CACNA2D3: variants seen among roughly 807,000 people sequenced by gnomAD.
CACNA2D3 encodes the protein calcium voltage-gated channel auxiliary subunit alpha2delta 3.
In CACNA2D3, 60 loss-of-function variants were observed where a neutral mutation model predicts 160.6. That is an observed-to-expected ratio of 0.37 (90% CI 0.30 to 0.46). CACNA2D3 has a LOEUF of 0.46. CACNA2D3 is among the 20% of genes least tolerant of loss of function. The pLI, the probability that CACNA2D3 is intolerant of heterozygous loss-of-function variation, is 1.00. For synonymous variants in CACNA2D3, 558 were observed against 492.9 expected (o/e 1.13, Z -1.75); for missense variants, 1,205 against 1,365.0 (o/e 0.88, Z 1.85).
intron 11 of CACNA2D3, among the ~76,000 whole-genome samples, chr3:54,673,741 CA>C (rs2106902172): frequency 6.6e-6 from 1 of 152,312 alleles, no homozygotes; most frequent in South Asian, 2.1e-4. Flanking sequence ...ATCTCAGCTT[CA>C]AGTGCAAATT....
rs369764993 is a variant in CACNA2D3, at chr3:54,333,815, G to A, written c.321+13257G>A. ...AACATTTGGACAATTCATGGGTGGA[G>A]GGAACCTCGTAGGAGCCAGCCCAAA... On this transcript the variant is annotated intron_variant, in intron 3 of 37. Coordinates refer to ENST00000474759, the MANE Select transcript of CACNA2D3 (RefSeq NM_018398.3). Among the ~76,000 whole-genome samples, 9 of 152,374 alleles carry A rather than the reference G, an allele frequency of 5.9e-5. No individual in the cohort carries two copies. In the East Asian group the frequency reaches 1.7e-3, roughly 29 times the overall value.
chr3:54,637,865 C>T (rs1044075964), intron 10 of CACNA2D3: 1 of 152,020 alleles, frequency 6.6e-6, no homozygotes, highest in South Asian at 2.1e-4. Flanking sequence ...GGGTCCCACA[C>T]AGATGGGACG....
chr3:54,130,203 C>T (rs1028373989), intron 2 of CACNA2D3, among the ~76,000 whole-genome samples: 3 of 151,770 alleles, frequency 2.0e-5, no homozygotes, highest in Non-Finnish European at 4.4e-5. Context: ...AGGCTGTCCT[C>T]GTTTTGGCTT....
intron 3 of CACNA2D3, among the ~76,000 whole-genome samples, chr3:54,330,728 T>G (rs1402318962): frequency 1.3e-5 from 2 of 152,242 alleles, no homozygotes; most frequent in Non-Finnish European, 1.5e-5. Context: ...AGGCAGCCTC[T>G]TGGCCAGCCA....
At chr3:55,002,048 C>T (rs575247080) in intron 31 of CACNA2D3, among the ~76,000 whole-genome samples, 2 of 151,358 alleles carry the variant, frequency 1.3e-5, no homozygotes, top group Non-Finnish European at 2.9e-5. Context: ...CCCAACTACT[C>T]GGGAGGCTGA....
intron 2 of CACNA2D3, among the ~76,000 whole-genome samples, chr3:54,142,624 C>G (rs1699958342): frequency 6.6e-6 from 1 of 152,128 alleles, no homozygotes; most frequent in Non-Finnish European, 1.5e-5. Context: ...TACACTACTA[C>G]TTGTTGAACA....
At chr3:54,341,443 G>A (rs1045947147) in intron 3 of CACNA2D3, among the ~76,000 whole-genome samples, 1 of 152,156 alleles carries the variant, frequency 6.6e-6, no homozygotes, top group Non-Finnish European at 1.5e-5. Flanking sequence ...TATGTGACCC[G>A]GAGGTTTGGC....
At chr3:54,367,926 C>T (rs754796828) in intron 3 of CACNA2D3, among the ~76,000 whole-genome samples, 6 of 152,168 alleles carry the variant, frequency 3.9e-5, no homozygotes, top group Non-Finnish European at 8.8e-5. Flanking sequence ...TGATTCACCA[C>T]CACTGTCTGC....
intron 35 of CACNA2D3, among the ~76,000 whole-genome samples, chr3:55,024,722 A>G (rs902654769): frequency 9.2e-5 from 14 of 152,220 alleles, no homozygotes; most frequent in African/African-American, 3.1e-4. Context: ...AGCAGCCTGA[A>G]TAGATGGAAA....
chr3:54,982,733 A>G (rs1702533145), intron 29 of CACNA2D3, among the ~76,000 whole-genome samples: 2 of 150,872 alleles, frequency 1.3e-5, no homozygotes, highest in Non-Finnish European at 3.0e-5. Flanking sequence ...TTTTAATTAT[A>G]GGCTAAACAA....
At chr3:54,143,988 TGATA>T (rs1699981685) in intron 2 of CACNA2D3, among the ~76,000 whole-genome samples, 1 of 152,238 alleles carries the variant, frequency 6.6e-6, no homozygotes, top group African/African-American at 2.4e-5. Flanking sequence ...CTTTTTCATA[TGATA>T]GATAAAATTT....
At chr3:54,816,502 G>T (rs1703459941) in intron 13 of CACNA2D3, among the ~76,000 whole-genome samples, 1 of 152,128 alleles carries the variant, frequency 6.6e-6, no homozygotes, top group South Asian at 2.1e-4. Flanking sequence ...AAAACTGCTG[G>T]TCAAAGGAAG....
chr3:54,913,943 G>A (rs114342892), intron 27 of CACNA2D3, among the ~76,000 whole-genome samples: 1,894 of 152,266 alleles, frequency 0.012, 38 homozygotes, highest in African/African-American at 0.043. Context: ...TACATGGCAC[G>A]AAATTGGGTG....
intron 4 of CACNA2D3, among the ~76,000 whole-genome samples, chr3:54,493,523 C>T (rs892815324): frequency 8.5e-5 from 13 of 152,140 alleles, no homozygotes; most frequent in Non-Finnish European, 1.5e-4. Flanking sequence ...CCCATTACTA[C>T]CCTCTCATTC....
intron 11 of CACNA2D3, among the ~76,000 whole-genome samples, chr3:54,730,749 C>T (rs1462788687): frequency 6.6e-5 from 10 of 152,134 alleles, no homozygotes; most frequent in Non-Finnish European, 1.0e-4. Context: ...GTGATCCACC[C>T]GCCTTGGCCT....
chr3:54,464,354 TTGTC>T (rs1700570975), intron 4 of CACNA2D3, among the ~76,000 whole-genome samples: 2 of 152,156 alleles, frequency 1.3e-5, no homozygotes, highest in Non-Finnish European at 1.5e-5. Flanking sequence ...GTCTTTTTGT[TTGTC>T]TGTGCCCTGC....
chr3:54,166,452 TG>T (rs1377049302), intron 2 of CACNA2D3, among the ~76,000 whole-genome samples: 1 of 152,218 alleles, frequency 6.6e-6, no homozygotes, highest in African/African-American at 2.4e-5. Flanking sequence ...CCTTGTTAAT[TG>T]AATATGTGGT....
intron 13 of CACNA2D3, among the ~76,000 whole-genome samples, chr3:54,765,467 C>G (rs548668745): frequency 6.6e-6 from 1 of 152,316 alleles, no homozygotes; most frequent in Admixed American, 6.5e-5. Context: ...CAGCTTGAGT[C>G]TGTCCCCAGT....
chr3:54,974,644 G>A (rs1702344849), intron 29 of CACNA2D3, among the ~76,000 whole-genome samples: 2 of 152,192 alleles, frequency 1.3e-5, no homozygotes, highest in South Asian at 2.1e-4. Context: ...GGAGCCATCC[G>A]AATAGTTGCA....
Sources: gnomAD v4.1 joint callset for allele counts (sites outside exome capture counted in the v4.1 genomes callset) on GRCh38, gnomAD v4.1.1 for gene constraint, MANE v1.5 for transcripts, NCBI Gene and HGNC (gene_info 2026-07-23, HGNC 2026-07-21) for gene names.